Variants in KHDRBS2 observed in about 807,000 individuals in gnomAD.
The protein encoded by KHDRBS2 is KH RNA binding domain containing, signal transduction associated 2.
In KHDRBS2, 26 loss-of-function variants were observed where a neutral mutation model predicts 44.3. The observed-to-expected ratio is 0.59, with a 90% CI of 0.43 to 0.81. KHDRBS2 has a LOEUF of 0.81. Among genes scored for constraint, KHDRBS2 ranks in the 40% least tolerant of loss-of-function variants. KHDRBS2 has a pLI of 0.00. For missense variants in KHDRBS2, 476 were observed against 433.1 expected, an observed-to-expected ratio of 1.10 and a Z score of -0.88; for synonymous variants, 194 against 151.1, an observed-to-expected ratio of 1.28 and a Z score of -2.08.
At chr6:61,610,512 T>C in the KHDRBS2 span, among the ~76,000 whole-genome samples, 11 of 152,182 alleles carry the variant, frequency 7.2e-5, no homozygotes, top group African/African-American at 2.7e-4. Context: ...TGGCTGAGGC[T>C]GTAGTCACCT....
chr6:61,545,218 G>A, the KHDRBS2 span, among the ~76,000 whole-genome samples: 1 of 151,974 alleles, frequency 6.6e-6, no homozygotes, highest in East Asian at 1.9e-4. Context: ...GGCTGAGGTG[G>A]GAGGACCACT....
At chr6:61,723,388 G>T (rs756960832) in intron 7 of KHDRBS2, among the ~76,000 whole-genome samples, 1 of 152,108 alleles carries the variant, frequency 6.6e-6, no homozygotes, top group Non-Finnish European at 1.5e-5. Context: ...GGCTGAAATG[G>T]CTGAATTGAC....
chr6:62,225,025 G>C (rs1019464583), intron 1 of KHDRBS2, among the ~76,000 whole-genome samples: 9 of 152,138 alleles, frequency 5.9e-5, no homozygotes, highest in African/African-American at 2.2e-4. Context: ...TTTACCCCTA[G>C]GGAGCACTTG....
chr6:61,542,936 G>A, the KHDRBS2 span, among the ~76,000 whole-genome samples: 4 of 151,892 alleles, frequency 2.6e-5, no homozygotes, highest in Non-Finnish European at 5.9e-5. Context: ...ATGCTATAGA[G>A]CAGTTAAATA....
chr6:62,235,026 T>G (rs1208870693), intron 1 of KHDRBS2, among the ~76,000 whole-genome samples: 1 of 151,068 alleles, frequency 6.6e-6, no homozygotes, highest in Non-Finnish European at 1.5e-5. Flanking sequence ...TTCTATTAAA[T>G]GATAGAACAC....
chr6:62,076,231 A>T (rs1796308640), intron 2 of KHDRBS2, among the ~76,000 whole-genome samples: 1 of 152,022 alleles, frequency 6.6e-6, no homozygotes, highest in Non-Finnish European at 1.5e-5. Context: ...ACACAAAGTC[A>T]TATTGAGTTC....
intron 3 of KHDRBS2, among the ~76,000 whole-genome samples, chr6:61,999,572 C>T (rs979443): frequency 0.5 from 76,643 of 151,830 alleles, 20,302 homozygotes; most frequent in Non-Finnish European, 0.58. Context: ...TATGATCCTT[C>T]TTAAATTTCA....
At chr6:61,622,980 C>T in the KHDRBS2 span, among the ~76,000 whole-genome samples, 1 of 151,954 alleles carries the variant, frequency 6.6e-6, no homozygotes, top group Non-Finnish European at 1.5e-5. Context: ...TGGGAGATCA[C>T]AGTTACTATA....
chr6:61,733,939 TA>T (rs1774911550), intron 6 of KHDRBS2, among the ~76,000 whole-genome samples: 1 of 152,190 alleles, frequency 6.6e-6, no homozygotes, highest in Non-Finnish European at 1.5e-5. Context: ...TAGCACTTCA[TA>T]AATTCTTTTC....
At position 61,894,735 on chromosome 6, in the gene KHDRBS2, G is replaced by T. The variant is rs1367474052; in HGVS notation, c.710C>A (p.Pro237His). 1 of 1,613,672 alleles carries T rather than the reference G, an allele frequency of 6.2e-7. No individual in the cohort carries two copies. The highest frequency in any genetic ancestry group is 1.3e-5 in the African/African-American group (1 of 75,022). ...AGGGGTAGGGACACCTCTTGCTACA[G>T]GTGGCACTGGAAGCGCTCCACGGGT... is the stretch of plus-strand genomic sequence containing the variant. Reference protein sequence around the residue: ...TVTRGALPVPPVARGVPTPRA... With the variant: ...TVTRGALPVPHVARGVPTPRA... Residue 237 changes from proline (P) to histidine (H), a missense_variant, in exon 6 of 9, where the codon CCT (proline) becomes CAT (histidine). Transcript: ENST00000281156.
intron 3 of KHDRBS2, among the ~76,000 whole-genome samples, chr6:62,035,289 C>A (rs1785076150): frequency 6.6e-6 from 1 of 151,930 alleles, no homozygotes; most frequent in Admixed American, 6.6e-5. Context: ...TACTTATACA[C>A]AATGGAGTAC....
intron 3 of KHDRBS2, among the ~76,000 whole-genome samples, chr6:62,027,817 A>G (rs939619968): frequency 6.6e-6 from 1 of 152,104 alleles, no homozygotes; most frequent in African/African-American, 2.4e-5. Flanking sequence ...CCTTTTCCCC[A>G]TAACTTGCCC....
chr6:61,779,728 G>A (rs540694728), intron 6 of KHDRBS2, among the ~76,000 whole-genome samples: 2 of 152,086 alleles, frequency 1.3e-5, no homozygotes, highest in African/African-American at 2.4e-5. Flanking sequence ...TGAGTGTGAC[G>A]TTTCAGGCAT....
chr6:61,586,988 C>T, the KHDRBS2 span, among the ~76,000 whole-genome samples: 4 of 152,138 alleles, frequency 2.6e-5, no homozygotes, highest in Non-Finnish European at 5.9e-5. Flanking sequence ...AAGATACCTT[C>T]TGACTAATTT....
chr6:62,174,082 T>G (rs182476958), intron 2 of KHDRBS2, among the ~76,000 whole-genome samples: 2 of 151,790 alleles, frequency 1.3e-5, no homozygotes, highest in African/African-American at 4.8e-5. Context: ...GAAGAATAAA[T>G]AAAAGACATG....
chr6:61,884,580 C>T (rs7772623), intron 6 of KHDRBS2, among the ~76,000 whole-genome samples: 129,133 of 152,092 alleles, frequency 0.85, 55,371 homozygotes, highest in African/African-American at 0.95. Context: ...AGAGTGCTTA[C>T]ATAAGCAGAT....
chr6:61,806,399 G>A (rs1224427936), intron 6 of KHDRBS2, among the ~76,000 whole-genome samples: 9 of 152,074 alleles, frequency 5.9e-5, no homozygotes, highest in Non-Finnish European at 1.2e-4. Flanking sequence ...ATGGAGAGAT[G>A]CCCAGGAAGC....
intron 1 of KHDRBS2, among the ~76,000 whole-genome samples, chr6:62,205,478 G>A (rs1455816714): frequency 1.3e-5 from 2 of 152,066 alleles, no homozygotes; most frequent in Non-Finnish European, 2.9e-5. Context: ...TACTGGCTGT[G>A]TTTGTGCCCC....
At chr6:62,079,723 A>C (rs1245969495) in intron 2 of KHDRBS2, among the ~76,000 whole-genome samples, 2 of 152,090 alleles carry the variant, frequency 1.3e-5, no homozygotes, top group African/African-American at 4.8e-5. Context: ...TAATTAGAGA[A>C]ATATTAATTG....
Sources: gnomAD v4.1 joint callset for allele counts (sites outside exome capture counted in the v4.1 genomes callset) on GRCh38, gnomAD v4.1.1 for gene constraint, MANE v1.5 for transcripts, NCBI Gene and HGNC (gene_info 2026-07-23, HGNC 2026-07-21) for gene names.